Variants in GABARAPL2 observed in about 807,000 individuals in gnomAD.
GABARAPL2 encodes the protein gamma-aminobutyric acid receptor-associated protein-like 2.
In GABARAPL2, 11 loss-of-function variants were observed where a neutral mutation model predicts 16.9. The ratio of observed to expected loss-of-function variants is 0.65; its 90% confidence interval spans 0.41 to 1.08. The LOEUF (loss-of-function observed/expected upper bound fraction) is 1.08. Ranked by LOEUF, GABARAPL2 falls within the 50% of genes least tolerant of loss-of-function variation. The probability of loss-of-function intolerance (pLI) is 0.00; values close to 1 mark genes in which losing one functional copy is unlikely to be tolerated. For synonymous variants in GABARAPL2, 57 were observed against 50.7 expected (o/e 1.12, Z -0.53); for missense variants, 134 against 142.5 (o/e 0.94, Z 0.30).
At chr16:75,577,152 C>A in intron 3 of GABARAPL2, 127 bp from the exon 4 acceptor site, 1 of 633,056 alleles carries the variant, frequency 1.6e-6, no homozygotes, top group South Asian at 1.9e-5. Flanking sequence ...TGCTTTAAAA[C>A]AGGATTATAA....
At chr16:75,573,072 C>T (rs1369617357) in intron 3 of GABARAPL2, among the ~76,000 whole-genome samples, 1 of 152,210 alleles carries the variant, frequency 6.6e-6, no homozygotes, top group Non-Finnish European at 1.5e-5. Flanking sequence ...GGCATCCTAG[C>T]AGTGGCCTGC....
chr16:75,571,324 G>C (rs926430317), intron 3 of GABARAPL2, among the ~76,000 whole-genome samples: 1 of 152,182 alleles, frequency 6.6e-6, no homozygotes, highest in South Asian at 2.1e-4. Flanking sequence ...AACCTGTGCT[G>C]TTTAAGAATA....
rs1043543 is a variant in GABARAPL2 at position 75,566,479 on chromosome 16, C to T, written c.-8C>T. Reference sequence around the variant, plus strand: ...GCGAGCCGGTTCCGTCCCCTTCCCGCCGCCGCCATGAAGTGGATGTTCAAG... The same window carrying T: ...GCGAGCCGGTTCCGTCCCCTTCCCGTCGCCGCCATGAAGTGGATGTTCAAG... On this transcript the variant is annotated 5_prime_UTR_variant, in exon 1 of 4. Transcript: ENST00000037243. 1 of 1,605,140 alleles carries T rather than the reference C, an allele frequency of 6.2e-7. No homozygotes were observed. Among genetic ancestry groups the T allele is most frequent in the East Asian group, 2.3e-5 (1 of 43,874 alleles).
intron 2 of GABARAPL2, among the ~76,000 whole-genome samples, chr16:75,567,537 G>T (rs1431254242): frequency 6.6e-6 from 1 of 152,216 alleles, no homozygotes; most frequent in African/African-American, 2.4e-5. Context: ...CTGGGGAAAG[G>T]AGTAGGAGGG....
intron 3 of GABARAPL2, chr16:75,576,379 C>T (rs2080949658): frequency 6.6e-6 from 1 of 152,218 alleles, no homozygotes; most frequent in Non-Finnish European, 1.5e-5. Flanking sequence ...CAGGTTGAGG[C>T]CTTGGACTCC....
At chr16:75,566,739 G>A in intron 1 of GABARAPL2, 113 bp from the exon 2 acceptor site, 1 of 1,118,072 alleles carries the variant, frequency 8.9e-7, no homozygotes, top group Non-Finnish European at 1.3e-6. Flanking sequence ...CGGCCCCGGG[G>A]ACGCCGGAAC....
At chr16:75,577,209 T>G in intron 3 of GABARAPL2, 70 bp from the exon 4 acceptor site, 1 of 925,838 alleles carries the variant, frequency 1.1e-6, no homozygotes, top group East Asian at 2.4e-5. Flanking sequence ...ATTCCTGTCC[T>G]CAGGCCATCC....
At chr16:75,577,109 A>G in intron 3 of GABARAPL2, 170 bp from the exon 4 acceptor site, 4 of 555,270 alleles carry the variant, frequency 7.2e-6, no homozygotes, top group Middle Eastern at 2.7e-4. Flanking sequence ...TGCAGACTTC[A>G]TTTATTTTAA....
At chr16:75,566,756 C>T (rs947425763) in intron 1 of GABARAPL2, 96 bp from the exon 2 acceptor site, 16 of 1,242,796 alleles carry the variant, frequency 1.3e-5, no homozygotes, top group Middle Eastern at 4.0e-4. Context: ...GAACCAGGGC[C>T]TGGGTTGTAC....
In GABARAPL2 at chr16:75,566,926, C is replaced by T; in HGVS notation, c.90+19C>T. The T allele has an allele frequency of 6.2e-7, 1 of 1,601,908 alleles. No homozygotes were observed. The highest frequency in any genetic ancestry group is 1.1e-5 in the South Asian group (1 of 90,856). ...GGTTCCGGTGAGTGGACTCTCCGCC[C>T]CCTCACCTCGCTGTCACCTCTGTCG... is the stretch of plus-strand genomic sequence containing the variant. On this transcript the variant is annotated intron_variant, in intron 2 of 3. Coordinates refer to ENST00000037243, the MANE Select transcript of GABARAPL2 (RefSeq NM_007285.7).
At position 75,567,064 on chromosome 16, in the gene GABARAPL2, G is replaced by A. The variant is rs1205003528; in HGVS notation, c.90+157G>A. On this transcript the variant is annotated intron_variant, in intron 2 of 3. Transcript: ENST00000037243. ...GGATGAGGCCGCCCAGGGCCGGGGC[G>A]TGAGGGGCTCGGGCTGGTGCTGTTC... Among the ~76,000 whole-genome samples the A allele has an allele frequency of 2.0e-5, 3 of 152,356 alleles. No homozygotes were observed. In the South Asian group the frequency reaches 6.2e-4, roughly 32 times the overall value.
At chr16:75,566,978 C>A in intron 2 of GABARAPL2, 71 bp downstream of exon 2, 1 of 1,268,154 alleles carries the variant, frequency 7.9e-7, no homozygotes, top group Non-Finnish European at 1.1e-6. Flanking sequence ...GGCCCCAGGC[C>A]ATTCAACAGT....
chr16:75,573,005 C>A (rs748531997), intron 3 of GABARAPL2, among the ~76,000 whole-genome samples: 1 of 152,244 alleles, frequency 6.6e-6, no homozygotes, highest in Non-Finnish European at 1.5e-5. Context: ...TCCAGCAAGC[C>A]TGTGCAGCTT....
intron 3 of GABARAPL2, 68 bp from the exon 4 acceptor site, chr16:75,577,211 A>G (rs1159744523): frequency 8.6e-6 from 8 of 930,722 alleles, no homozygotes; most frequent in Admixed American, 1.7e-5. Flanking sequence ...TCCTGTCCTC[A>G]GGCCATCCTT....
chr16:75,568,346 G>C, intron 3 of GABARAPL2, 137 bp downstream of exon 3: 2 of 581,280 alleles, frequency 3.4e-6, no homozygotes, highest in Non-Finnish European at 6.3e-6. Flanking sequence ...CTGACATCAG[G>C]GGCTCCAGGA....
chr16:75,577,348 A>C lies in GABARAPL2; in HGVS notation c.333A>C (p.Gly111=), dbSNP rs1176539793. Residue 111 remains glycine (G), a synonymous_variant, in exon 4 of 4, where the codon GGA becomes GGC. Transcript: ENST00000037243. ...EDGFLYVAYS[G]ENTFGF ...GATTCTTATATGTGGCCTACAGCGG[A>C]GAGAACACTTTTGGCTTCTGAGGGC... 1 of 1,611,074 alleles carries C rather than the reference A, an allele frequency of 6.2e-7. No individual in the cohort carries two copies. Among genetic ancestry groups the C allele is most frequent in the Non-Finnish European group, 8.5e-7 (1 of 1,177,200 alleles).
At chr16:75,567,995 C>A (rs781259182) in intron 2 of GABARAPL2, 42 bp from the exon 3 acceptor site, 3 of 1,517,290 alleles carry the variant, frequency 2.0e-6, no homozygotes, top group African/African-American at 2.7e-5. Flanking sequence ...GCCAGAGCCT[C>A]GCTTTAGGAA....
At chr16:75,577,245 A>T in intron 3 of GABARAPL2, 34 bp from the exon 4 acceptor site, 1 of 1,404,142 alleles carries the variant, frequency 7.1e-7, no homozygotes, top group East Asian at 2.3e-5. Context: ...CTGGACTCCA[A>T]TTTTCAATGA....
In GABARAPL2 at chr16:75,566,430, C is replaced by T; in HGVS notation, c.-57C>T. On this transcript the variant is annotated 5_prime_UTR_variant, in exon 1 of 4. Transcript: ENST00000037243. ...CTGCCGCCGTCGTTGTTGTTGTGCT[C>T]GGTGCGCTGAGCTCCGCGGCTCCGC... The T allele has an allele frequency of 3.8e-6, 5 of 1,332,578 alleles. No individual in the cohort carries two copies. The highest frequency in any genetic ancestry group is 5.3e-6 in the Non-Finnish European group (5 of 939,306). The allele number at this position is 1,332,578 out of a possible 1,614,324, so 82.5% of individuals were successfully genotyped here.
Sources: gnomAD v4.1 joint callset for allele counts (sites outside exome capture counted in the v4.1 genomes callset) on GRCh38, gnomAD v4.1.1 for gene constraint, MANE v1.5 for transcripts, NCBI Gene and HGNC (gene_info 2026-07-23, HGNC 2026-07-21) for gene names.